Variants in MUC5AC observed in about 807,000 individuals in gnomAD.
MUC5AC encodes the protein mucin 5AC, oligomeric mucus/gel-forming.
Under a neutral mutation model 169.7 loss-of-function variants are expected in MUC5AC, and 158 were observed. The observed-to-expected ratio is 0.93, with a 90% CI of 0.82 to 1.06. The LOEUF (loss-of-function observed/expected upper bound fraction) is 1.06. Ranked by LOEUF, MUC5AC falls within the 50% of genes least tolerant of loss-of-function variation. The pLI is 0.00. For synonymous variants in MUC5AC, 1,975 were observed against 1,237.0 expected (o/e 1.60, Z -12.52); for missense variants, 4,359 against 3,089.9 (o/e 1.41, Z -9.74).
Position 1,200,980 on chromosome 11 carries a change from G to A in MUC5AC, c.*278G>A, listed in dbSNP as rs1861415753. 2.9e-6 allele frequency: 1 copy of A among 341,114 alleles called. No individual in the cohort carries two copies. The highest frequency in any genetic ancestry group is 5.3e-6 in the Non-Finnish European group (1 of 187,222). The allele number at this position is 341,114 out of a possible 1,614,324, so 21.1% of individuals were successfully genotyped here. A position where few individuals can be genotyped will look rare whatever the true frequency, so the allele number is the denominator to read the frequency against. ...CCAGCCTGCTGTTCTGGGGACGTGA[G>A]CATCACCTGAGGGTCTCAGGAATGA... On this transcript the variant is annotated 3_prime_UTR_variant, in exon 49 of 49. Coordinates refer to ENST00000621226, the MANE Select transcript of MUC5AC (RefSeq NM_001304359.2).
chr11:1,171,279 C>CACGA (rs1860517183), intron 15 of MUC5AC, among the ~76,000 whole-genome samples: 1 of 143,706 alleles, frequency 7.0e-6, no homozygotes, highest in Admixed American at 6.8e-5. Flanking sequence ...CTCACCCACT[C>CACGA]ACTCACCCAT....
At chr11:1,166,001 C>G (rs751374377) in intron 11 of MUC5AC, among the ~76,000 whole-genome samples, 1 of 152,186 alleles carries the variant, frequency 6.6e-6, no homozygotes. Context: ...GCACTGGGCC[C>G]TCTGCACCTT....
Position 1,163,019 on chromosome 11 carries a change from C to T in MUC5AC, c.653C>T (p.Pro218Leu), listed in dbSNP as rs773080347. The change falls in exon 6 of 49, where the codon CCC (proline) becomes CTC (leucine). Residue 218 changes from proline to leucine, a missense_variant. By Grantham distance (98) the Pro-to-Leu change is moderately conservative. Transcript: ENST00000621226. ...CGLCGDFNGMPVVSELLSHNT... is the reference protein window; with the variant it reads ...CGLCGDFNGMLVVSELLSHNT... Reference sequence around the variant, plus strand: ...CTCTGTGGGGACTTCAACGGGATGCCCGTGGTCAGCGAGCTCCTCTCCCAC... The same window carrying T: ...CTCTGTGGGGACTTCAACGGGATGCTCGTGGTCAGCGAGCTCCTCTCCCAC... 6.2e-7 allele frequency: 1 copy of T among 1,612,666 alleles called. No homozygotes were observed. The highest frequency in any genetic ancestry group is 8.5e-7 in the Non-Finnish European group (1 of 1,179,850).
rs779629038 is a variant in MUC5AC at position 1,195,202 on chromosome 11, T to C, written c.15381T>C (p.Val5127=). 6 of 759,626 alleles carry C rather than the reference T, an allele frequency of 7.9e-6. No individual in the cohort carries two copies. The East Asian group carries it at 1.2e-4, about 15-fold the overall frequency. The allele number at this position is 759,626 out of a possible 1,614,324, so 47.1% of individuals were successfully genotyped here. A position where few individuals can be genotyped will look rare whatever the true frequency, so the allele number is the denominator to read the frequency against. ...CTACCACGGTCGGGCCCACCACAGT[T>C]GGGTCTACCACGGTCGGGCCCACCA... is the stretch of plus-strand genomic sequence containing the variant. ...VGSTTVGPTT[V]GSTTVGPTTP... Residue 5127 remains valine (V), a synonymous_variant, in exon 36 of 49, where the codon GTT becomes GTC. Transcript: ENST00000621226.
At chr11:1,172,548 G>A (rs916402151) in intron 16 of MUC5AC, 25 bp downstream of exon 16, 29 of 398,508 alleles carry the variant, frequency 7.3e-5, no homozygotes, top group Non-Finnish European at 6.6e-5. Context: ...CTCTTGGCCC[G>A]GTGGGGCTCC....
chr11:1,161,641 C>A (rs1267306869), intron 3 of MUC5AC, 55 bp downstream of exon 3: 4 of 1,554,224 alleles, frequency 2.6e-6, no homozygotes, highest in Non-Finnish European at 3.5e-6. Flanking sequence ...GCTGAGCTCC[C>A]CGCTCAGGCC....
intron 15 of MUC5AC, 71 bp downstream of exon 15, chr11:1,169,097 C>A: frequency 6.8e-7 from 1 of 1,470,872 alleles, no homozygotes; most frequent in Non-Finnish European, 9.0e-7. Flanking sequence ...TTTGGCACTG[C>A]AGGCAGCGAG....
intron 44 of MUC5AC, 26 bp from the exon 45 acceptor site, chr11:1,199,061 C>T (rs746038241): frequency 3.9e-5 from 30 of 763,440 alleles, no homozygotes; most frequent in South Asian, 8.1e-5. Flanking sequence ...GCCTGGATTC[C>T]AGCCACATGT....
At position 1,189,573 on chromosome 11, in the gene MUC5AC, T is replaced by G. The variant is rs1462953442; in HGVS notation, c.11428T>G (p.Ser3810Ala). The part of the protein sequence containing the change: ...TSTPQTSTIS[S>A]PTTSTTSTPQ... ...CACTCCACAGACCAGCACAATCTCT[T>G]CCCCTACAACCAGCACAACCTCCAC... Residue 3810 changes from serine (S) to alanine (A), a missense_variant, in exon 31 of 49, where the codon TCC becomes GCC. Ser to Ala is a moderately conservative substitution (Grantham distance 99). Coordinates refer to ENST00000621226, the MANE Select transcript of MUC5AC (RefSeq NM_001304359.2). 0.18 allele frequency: 98,056 copies of G among 538,156 alleles called. 9,330 individuals carry two copies. The highest frequency in any genetic ancestry group is 0.21 in the Non-Finnish European group (66,764 of 312,750). The allele number at this position is 538,156 out of a possible 1,614,324, so 33.3% of individuals were successfully genotyped here.
Position 1,168,699 on chromosome 11 carries a change from G to GCCTGCAGCTGAA in MUC5AC, c.1636_1647dup (p.Asn546_Leu549dup). On this transcript the variant is annotated inframe_insertion, in exon 14 of 49. Coordinates refer to ENST00000621226, the MANE Select transcript of MUC5AC (RefSeq NM_001304359.2). ...TTCATCATCGCCCAGACCAGCCTGGGCCTGCAGCTGAACCTGCAGCTGGTG... is the reference window on the plus strand; with the variant it reads ...TTCATCATCGCCCAGACCAGCCTGGGCCTGCAGCTGAACCTGCAGCTGAACCTGCAGCTGGTG... 6.2e-7 allele frequency: 1 copy of GCCTGCAGCTGAA among 1,610,816 alleles called. No homozygotes were observed.
In MUC5AC at chr11:1,196,284, G is replaced by A. The variant is rs1232416563; in HGVS notation, c.15638-104G>A. On this transcript the variant is annotated intron_variant, in intron 37 of 48. Transcript: ENST00000621226. The stretch of plus-strand genomic sequence containing the variant: ...GGCCGTAGCCAGGCCCAGGCCCACA[G>A]GTGGCTGCGGGCAGCTCCGGAGCAG... The A allele has an allele frequency of 4.2e-6, 3 of 711,442 alleles. No individual in the cohort carries two copies. The African/African-American group carries it at 5.2e-5, about 12-fold the overall frequency. 44.1% of individuals were successfully genotyped at this position (711,442 alleles called of 1,614,324 possible).
At chr11:1,170,078 CCACT>C (rs1307756389) in intron 15 of MUC5AC, among the ~76,000 whole-genome samples, 1 of 140,010 alleles carries the variant, frequency 7.1e-6, no homozygotes, top group Non-Finnish European at 1.5e-5. Flanking sequence ...ACTCACTCAC[CCACT>C]CACTCACTCA....
Position 1,185,065 on chromosome 11 carries a change from C to T in MUC5AC, c.6920C>T (p.Thr2307Ile), listed in dbSNP as rs1388681129. Residue 2307 changes from threonine (T) to isoleucine (I), a missense_variant, in exon 31 of 49, where the codon ACT becomes ATT. Coordinates refer to ENST00000621226, the MANE Select transcript of MUC5AC (RefSeq NM_001304359.2). ...AGCACAACCTCTGGTCCTGGAAATA[C>T]TCCCAGCCCTGTTCCTACCACCAGC... is the stretch of plus-strand genomic sequence containing the variant. ...PASTTSGPGN[T>I]PSPVPTTSTI... 6 of 707,866 alleles carry T rather than the reference C, an allele frequency of 8.5e-6. No homozygotes were observed. Among genetic ancestry groups the T allele is most frequent in the Non-Finnish European group, 1.5e-5 (6 of 387,520 alleles). 43.8% of individuals were successfully genotyped at this position (707,866 alleles called of 1,614,324 possible). A position where few individuals can be genotyped will look rare whatever the true frequency, so the allele number is the denominator to read the frequency against.
rs1232501495 is a variant in MUC5AC at position 1,180,524 on chromosome 11, C to CT, written c.3776+11dup. On this transcript the variant is annotated intron_variant, in intron 28 of 48. Transcript: ENST00000621226. ...CAAGAACTGCCAGTCCTGGTGAGTCCTTTGGGGGGAGGAATATGGAGCCTG... is the reference window on the plus strand; with the variant it reads ...CAAGAACTGCCAGTCCTGGTGAGTCCTTTTGGGGGGAGGAATATGGAGCCTG... 2.5e-6 allele frequency: 1 copy of CT among 398,654 alleles called. No homozygotes were observed. The highest frequency in any genetic ancestry group is 4.4e-6 in the Non-Finnish European group (1 of 226,150). The allele number at this position is 398,654 out of a possible 1,614,324, so 24.7% of individuals were successfully genotyped here.
Position 1,186,172 on chromosome 11 carries a change from C to A in MUC5AC, c.8027C>A (p.Thr2676Lys). The change falls in exon 31 of 49, where the codon ACA becomes AAA. Residue 2676 changes from threonine (T) to lysine (K), a missense_variant. Thr to Lys is a moderately conservative substitution (Grantham distance 78). Coordinates refer to ENST00000621226, the MANE Select transcript of MUC5AC (RefSeq NM_001304359.2). ...TSTISVPTTS[T>K]TSASTTSTTS... ...ACAATCTCTGTTCCTACCACCAGCA[C>A]AACTTCTGCTTCTACAACCAGCACA... is the stretch of plus-strand genomic sequence containing the variant. 1 of 747,946 alleles carries A rather than the reference C, an allele frequency of 1.3e-6. No individual in the cohort carries two copies. Among genetic ancestry groups the A allele is most frequent in the Non-Finnish European group, 2.4e-6 (1 of 408,608 alleles). The allele number at this position is 747,946 out of a possible 1,614,324, so 46.3% of individuals were successfully genotyped here. A position where few individuals can be genotyped will look rare whatever the true frequency, so the allele number is the denominator to read the frequency against.
rs1861371828 is a variant in MUC5AC at position 1,199,638 on chromosome 11, A to C, written c.16516-57A>C. 7 of 699,402 alleles carry C rather than the reference A, an allele frequency of 1.0e-5. No individual in the cohort carries two copies. The South Asian group carries it at 1.0e-4, about 10-fold the overall frequency. The allele number at this position is 699,402 out of a possible 1,614,324, so 43.3% of individuals were successfully genotyped here. ...GCCTGGCCCCATGTCCCCATCCCTC[A>C]CTTCTGTGGGGGCCGCCGAGCGCCT... On this transcript the variant is annotated intron_variant, in intron 46 of 48. Coordinates refer to ENST00000621226, the MANE Select transcript of MUC5AC (RefSeq NM_001304359.2).
Position 1,186,910 on chromosome 11 carries a change from G to A in MUC5AC, c.8765G>A (p.Ser2922Asn), listed in dbSNP as rs1399458333. ...ACCAGCACAACCTCTGCCCCTACAA[G>A]CAGCACAACCTCAGCTACTACAACC... Reference protein sequence around the residue: ...PTTSTTSAPTSSTTSATTTST... With the variant: ...PTTSTTSAPTNSTTSATTTST... Residue 2922 changes from serine to asparagine, a missense_variant, in exon 31 of 49, where the codon AGC becomes AAC. Ser to Asn is a conservative substitution (Grantham distance 46, BLOSUM62 1). Coordinates refer to ENST00000621226, the MANE Select transcript of MUC5AC (RefSeq NM_001304359.2). 1.9e-6 allele frequency: 1 copy of A among 521,176 alleles called. No individual in the cohort carries two copies. Among genetic ancestry groups the A allele is most frequent in the African/African-American group, 2.7e-5 (1 of 37,134 alleles). 32.3% of individuals were successfully genotyped at this position (521,176 alleles called of 1,614,324 possible). A position where few individuals can be genotyped will look rare whatever the true frequency, so the allele number is the denominator to read the frequency against.
intron 43 of MUC5AC, 79 bp from the exon 44 acceptor site, chr11:1,198,795 C>T: frequency 3.0e-6 from 2 of 668,114 alleles, no homozygotes; most frequent in Non-Finnish European, 5.5e-6. Context: ...AAGTTGGGGG[C>T]AGCAAGCCAG....
At chr11:1,170,332 CCATT>C (rs1407254204) in intron 15 of MUC5AC, among the ~76,000 whole-genome samples, 18 of 144,016 alleles carry the variant, frequency 1.2e-4, no homozygotes, top group Non-Finnish European at 2.1e-4. Flanking sequence ...ACTGACTCAA[CCATT>C]CACTCACCCA....
Sources: allele counts gnomAD v4.1 joint callset (sites outside exome capture counted in the v4.1 genomes callset), GRCh38; gene constraint gnomAD v4.1.1; transcripts MANE v1.5; gene names NCBI Gene and HGNC (gene_info 2026-07-23, HGNC 2026-07-21).